POLR1B: variants seen among roughly 807,000 people sequenced by gnomAD.
POLR1B encodes the protein DNA-directed RNA polymerase I subunit RPA2.
Under a neutral mutation model 105.8 loss-of-function variants are expected in POLR1B, and 30 were observed. That is an observed-to-expected ratio of 0.28 (90% confidence interval 0.21 to 0.38). POLR1B has a LOEUF of 0.38. Ranked by LOEUF, POLR1B falls within the 10% of genes least tolerant of loss-of-function variation. The probability of loss-of-function intolerance (pLI) is 1.00; values close to 1 mark genes in which losing one functional copy is unlikely to be tolerated. For missense variants in POLR1B, 976 were observed against 1,435.8 expected, an observed-to-expected ratio of 0.68 and a Z score of 5.17; for synonymous variants, 485 against 505.1, an observed-to-expected ratio of 0.96 and a Z score of 0.53.
chr2:112,565,719 C>G (rs559194762), intron 10 of POLR1B, among the ~76,000 whole-genome samples: 1 of 152,020 alleles, frequency 6.6e-6, no homozygotes, highest in Non-Finnish European at 1.5e-5. Flanking sequence ...CCACTGTGCC[C>G]GGCTACCCTG....
chr2:112,568,062 C>G lies in POLR1B; in HGVS notation c.1842C>G (p.Thr614=), dbSNP rs1325940565. The change falls in exon 11 of 15, where the codon ACC becomes ACG. Residue 614 remains threonine, a synonymous_variant. Coordinates refer to ENST00000263331, the MANE Select transcript of POLR1B (RefSeq NM_019014.6). Reference sequence around the variant, plus strand: ...TGTACCCAGGATTGTTCCTTTTTACCACTCCTTGTAGACTGGTACGGCCTG... The same window carrying G: ...TGTACCCAGGATTGTTCCTTTTTACGACTCCTTGTAGACTGGTACGGCCTG... The part of the protein sequence containing the change: ...PSLYPGLFLF[T]TPCRLVRPVQ... The G allele has an allele frequency of 6.2e-7, 1 of 1,614,064 alleles. No individual in the cohort carries two copies. Among genetic ancestry groups the G allele is most frequent in the East Asian group, 2.2e-5 (1 of 44,884 alleles).
intron 4 of POLR1B, among the ~76,000 whole-genome samples, chr2:112,550,549 A>G (rs905504541): frequency 1.3e-5 from 2 of 152,204 alleles, no homozygotes; most frequent in Non-Finnish European, 2.9e-5. Flanking sequence ...ATCAAGCACC[A>G]TGTCTTGACC....
chr2:112,563,946 C>T (rs1304613530), intron 9 of POLR1B, among the ~76,000 whole-genome samples: 2 of 152,018 alleles, frequency 1.3e-5, no homozygotes, highest in African/African-American at 4.8e-5. Context: ...GAAGCAATTC[C>T]TCATCCATTC....
chr2:112,574,778 A>C (rs1465198411), intron 14 of POLR1B, 69 bp from the exon 15 acceptor site: 7 of 1,303,930 alleles, frequency 5.4e-6, no homozygotes, highest in Non-Finnish European at 7.4e-6. Flanking sequence ...AGCACTAATT[A>C]TATCAATGAA....
chr2:112,564,560 T>C, intron 10 of POLR1B, 61 bp downstream of exon 10: 8 of 1,607,974 alleles, frequency 5.0e-6, no homozygotes, highest in Non-Finnish European at 6.8e-6. Context: ...AGTTCCTTTC[T>C]AGTTTTGGGG....
rs1262908775 is a variant in POLR1B at position 112,568,736 on chromosome 2, G to T, written c.1918-10G>T. 1 of 1,613,260 alleles carries T rather than the reference G, an allele frequency of 6.2e-7. No homozygotes were observed. The highest frequency in any genetic ancestry group is 8.5e-7 in the Non-Finnish European group (1 of 1,179,710). On this transcript the variant is annotated splice_polypyrimidine_tract_variant and intron_variant, in intron 11 of 14. Coordinates refer to ENST00000263331, the MANE Select transcript of POLR1B (RefSeq NM_019014.6). ...CAGTTATTTTGTGCCTTGGACATCT[G>T]CTCTTCCAGATCTTCATGAATGTCG...
intron 1 of POLR1B, among the ~76,000 whole-genome samples, chr2:112,543,011 A>G (rs1457183932): frequency 1.3e-5 from 2 of 152,220 alleles, no homozygotes; most frequent in Non-Finnish European, 2.9e-5. Context: ...TTACCTCTCC[A>G]AAACGTACCT....
chr2:112,549,506 T>A, intron 4 of POLR1B, 107 bp downstream of exon 4: 1 of 894,262 alleles, frequency 1.1e-6, no homozygotes, highest in South Asian at 2.3e-5. Context: ...TTTCTTTTTT[T>A]TTTTTTTTTT....
intron 4 of POLR1B, chr2:112,550,563 C>A: frequency 3.2e-6 from 1 of 311,572 alleles, no homozygotes; most frequent in Non-Finnish European, 6.0e-6. Context: ...CTTGACCAGA[C>A]TCCACAGTTT....
At chr2:112,560,834 A>G (rs534583259) in intron 9 of POLR1B, among the ~76,000 whole-genome samples, 10 of 152,282 alleles carry the variant, frequency 6.6e-5, no homozygotes, top group African/African-American at 2.4e-4. Flanking sequence ...AGGTGTGCAG[A>G]TGACTTGCGG....
intron 4 of POLR1B, among the ~76,000 whole-genome samples, chr2:112,549,726 C>A (rs555802758): frequency 1.3e-5 from 2 of 152,120 alleles, no homozygotes; most frequent in South Asian, 2.1e-4. Context: ...AGATGTTAGT[C>A]AGAGGATACA....
intron 4 of POLR1B, 60 bp downstream of exon 4, chr2:112,549,459 TG>T: frequency 1.6e-6 from 2 of 1,276,044 alleles, no homozygotes; most frequent in Non-Finnish European, 1.1e-6. Context: ...TTTTTTTTTT[TG>T]AAGTAGATGC....
At chr2:112,545,187 C>T (rs755397123) in intron 1 of POLR1B, among the ~76,000 whole-genome samples, 2 of 152,186 alleles carry the variant, frequency 1.3e-5, no homozygotes, top group Non-Finnish European at 2.9e-5. Context: ...GAAGGCTGTG[C>T]TGTGCCTTTA....
intron 12 of POLR1B, among the ~76,000 whole-genome samples, chr2:112,571,366 T>A (rs1464243130): frequency 6.6e-6 from 1 of 152,080 alleles, no homozygotes; most frequent in Admixed American, 6.6e-5. Flanking sequence ...AGAGGATTGG[T>A]TTTGTTTGTT....
chr2:112,574,218 C>A (rs1419287038), intron 14 of POLR1B, among the ~76,000 whole-genome samples: 1 of 152,104 alleles, frequency 6.6e-6, no homozygotes, highest in Non-Finnish European at 1.5e-5. Context: ...AGCAATGTTT[C>A]CTAGCCAAAA....
chr2:112,564,325 A>G, intron 9 of POLR1B, 41 bp from the exon 10 acceptor site: 1 of 1,602,846 alleles, frequency 6.2e-7, no homozygotes, highest in Non-Finnish European at 8.5e-7. Context: ...ATGTTGGATG[A>G]AGCATTCTGA....
At chr2:112,545,751 C>A (rs1220365114) in intron 1 of POLR1B, 5 of 282,544 alleles carry the variant, frequency 1.8e-5, no homozygotes, top group African/African-American at 7.0e-5. Flanking sequence ...GTGATCCTCC[C>A]ACGTCAACCT....
chr2:112,542,492 C>T lies in POLR1B; in HGVS notation c.-3C>T, dbSNP rs1682804868. The T allele has an allele frequency of 6.8e-6, 11 of 1,613,558 alleles. No individual in the cohort carries two copies. The East Asian group carries it at 1.8e-4, about 26-fold the overall frequency. On this transcript the variant is annotated 5_prime_UTR_variant, in exon 1 of 15. Coordinates refer to ENST00000263331, the MANE Select transcript of POLR1B (RefSeq NM_019014.6). The stretch of plus-strand genomic sequence containing the variant: ...GACTGGCGTCCGGTGTGCAGGTGGC[C>T]ACATGGATCCTGGCAGCCGGTGGCG...
chr2:112,563,636 G>A (rs1448428698), intron 9 of POLR1B, among the ~76,000 whole-genome samples: 2 of 152,070 alleles, frequency 1.3e-5, no homozygotes, highest in African/African-American at 4.8e-5. Flanking sequence ...AGTGGCTTAG[G>A]CCTGTAATTC....
Sources: allele counts gnomAD v4.1 joint callset (sites outside exome capture counted in the v4.1 genomes callset), GRCh38; gene constraint gnomAD v4.1.1; transcripts MANE v1.5; gene names NCBI Gene and HGNC (gene_info 2026-07-23, HGNC 2026-07-21).